The following SCO2 variants were observed in gnomAD, a reference collection of about 807,000 sequenced individuals.
SCO2 encodes the protein synthesis of cytochrome C oxidase 2.
For missense variants in SCO2, 429 were observed against 348.7 expected, an observed-to-expected ratio of 1.23 and a Z score of -1.83; for synonymous variants, 195 against 148.6, an observed-to-expected ratio of 1.31 and a Z score of -2.27.
At chr22:50,524,935 G>A (rs1363736281) in intron 1 of SCO2, among the ~76,000 whole-genome samples, 1 of 151,718 alleles carries the variant, frequency 6.6e-6, no homozygotes, top group African/African-American at 2.4e-5. Flanking sequence ...TCTGCCCGCC[G>A]GCTGTGTTTA....
In SCO2 at chr22:50,525,563, C is replaced by G. The variant is rs190706673; in HGVS notation, c.-105G>C. 1 of 716,192 alleles carries G rather than the reference C, an allele frequency of 1.4e-6. No individual in the cohort carries two copies. The highest frequency in any genetic ancestry group is 2.7e-5 in the Admixed American group (1 of 36,954). 44.4% of individuals were successfully genotyped at this position (716,192 alleles called of 1,614,324 possible). A position where few individuals can be genotyped will look rare whatever the true frequency, so the allele number is the denominator to read the frequency against. ...CTCTGCCCCGCCGGCTCAGGGAAAG[C>G]GGGCGCCACACGCTCACAGGCAGGG... On this transcript the variant is annotated 5_prime_UTR_variant, in exon 1 of 2. Coordinates refer to ENST00000395693, the MANE Select transcript of SCO2 (RefSeq NM_005138.3).
upstream of SCO2, chr22:50,525,675 G>C (rs1046302038): frequency 1.3e-6 from 2 of 1,533,202 alleles, no homozygotes; most frequent in Non-Finnish European, 1.8e-6. Flanking sequence ...GAGCCCGCCG[G>C]GGGTCACGTG....
At chr22:50,526,264 G>C (rs1569522106), upstream of SCO2, 4 of 1,538,444 alleles carry the variant, frequency 2.6e-6, no homozygotes, top group East Asian at 2.5e-5. Flanking sequence ...GGCGCCAGCA[G>C]CTCCTCCTGC....
At chr22:50,525,165 G>T (rs2069287319) in intron 1 of SCO2, among the ~76,000 whole-genome samples, 1 of 152,186 alleles carries the variant, frequency 6.6e-6, no homozygotes, top group Non-Finnish European at 1.5e-5. Context: ...CCCTCCCGAG[G>T]ACTCACTGCA....
At chr22:50,524,965 C>G (rs1247477371) in intron 1 of SCO2, among the ~76,000 whole-genome samples, 1 of 152,048 alleles carries the variant, frequency 6.6e-6, no homozygotes, top group Admixed American at 6.5e-5. Flanking sequence ...GGCAGAGACG[C>G]ACGACACTTC....
At position 50,524,360 on chromosome 22, in the gene SCO2, T is replaced by TGAGCTGAGA; in HGVS notation, c.43_51dup (p.Ser15_Leu17dup). ...AGGGTCCCAGGGAGGACCCGAGGCTTGAGCTGAGAGAGCCTGTGCCAAGCT... is the reference window on the plus strand; with the variant it reads ...AGGGTCCCAGGGAGGACCCGAGGCTTGAGCTGAGAGAGCTGAGAGAGCCTGTGCCAAGCT... On this transcript the variant is annotated inframe_insertion, in exon 2 of 2. Coordinates refer to ENST00000395693, the MANE Select transcript of SCO2 (RefSeq NM_005138.3). The TGAGCTGAGA allele has an allele frequency of 6.2e-7, 1 of 1,602,204 alleles. No homozygotes were observed. Among genetic ancestry groups the TGAGCTGAGA allele is most frequent in the South Asian group, 1.1e-5 (1 of 91,080 alleles).
upstream of SCO2, chr22:50,525,940 G>C (rs952478498): frequency 2.1e-6 from 3 of 1,432,716 alleles, no homozygotes; most frequent in Middle Eastern, 2.5e-4. Flanking sequence ...GGGGCTGTTA[G>C]AGGCCGCGCG....
chr22:50,525,416 G>A (rs2069302869), intron 1 of SCO2, 56 bp downstream of exon 1: 2 of 343,320 alleles, frequency 5.8e-6, no homozygotes, highest in Non-Finnish European at 1.1e-5. Context: ...AAACTACCCC[G>A]GAGTCCAGCG....
In SCO2 at chr22:50,525,589, C is replaced by CGCAG. The variant is rs143413019; in HGVS notation, c.-135_-132dup. On this transcript the variant is annotated 5_prime_UTR_variant, in exon 1 of 2. Transcript: ENST00000395693. ...GGGCGCCACACGCTCACAGGCAGGG[C>CGCAG]GCAGGCGTCCCCGGAGCTGCGCATG... The CGCAG allele has an allele frequency of 0.011, 10,080 of 923,326 alleles. 664 individuals carry two copies. In the African/African-American group the frequency reaches 0.15, roughly 13 times the overall value. 57.2% of individuals were successfully genotyped at this position (923,326 alleles called of 1,614,324 possible).
At position 50,524,158 on chromosome 22, in the gene SCO2, A is replaced by G; in HGVS notation, c.254T>C (p.Leu85Pro). Reference sequence around the variant, plus strand: ...GGCTTCTGTTCGCTTTTGCTGCTGCAGCCTCTCCTTCTCAGCCCTCAGGGC... The same window carrying G: ...GGCTTCTGTTCGCTTTTGCTGCTGCGGCCTCTCCTTCTCAGCCCTCAGGGC... ...WLALRAEKER[L>P]QQQKRTEALR... The change falls in exon 2 of 2, where the codon CTG becomes CCG. Residue 85 changes from leucine to proline, a missense_variant. Physicochemically the swap from Leu to Pro is moderately conservative, Grantham distance 98. Transcript: ENST00000395693. 1 of 1,611,176 alleles carries G rather than the reference A, an allele frequency of 6.2e-7. No individual in the cohort carries two copies.
Position 50,523,653 on chromosome 22 carries a change from ACTGT to A in SCO2, c.755_758del (p.Asp252ValfsTer24), listed in dbSNP as rs774544201. The A allele has an allele frequency of 3.0e-5, 48 of 1,613,870 alleles. No individual in the cohort carries two copies. The highest frequency in any genetic ancestry group is 3.7e-5 in the Non-Finnish European group (44 of 1,180,034). On this transcript the variant is annotated frameshift_variant, in exon 2 of 2. Coordinates refer to ENST00000395693, the MANE Select transcript of SCO2 (RefSeq NM_005138.3). LOFTEE classifies it high-confidence loss of function. ...GGAAAGCCGCCATGTGCCGCCGCAC[ACTGT>A]CTGAGATCTGCTCAGCCGATCTGCT... is the stretch of plus-strand genomic sequence containing the variant.
upstream of SCO2, chr22:50,526,222 G>A (rs2069364890): frequency 1.3e-6 from 2 of 1,514,778 alleles, no homozygotes; most frequent in Non-Finnish European, 1.8e-6. Flanking sequence ...GAGGCGGAAG[G>A]ACGGGGACTC....
At chr22:50,526,060 G>A (rs1350988490), upstream of SCO2, 1 of 1,482,748 alleles carries the variant, frequency 6.7e-7, no homozygotes, top group South Asian at 1.3e-5. Flanking sequence ...CAGGCGGAGC[G>A]GCTCCCCAGC....
intron 1 of SCO2, chr22:50,524,636 T>C: frequency 1.4e-6 from 1 of 701,598 alleles, no homozygotes. Flanking sequence ...GTCCTCTACC[T>C]GGGATCACCA....
chr22:50,525,820 A>G (rs1432744426), upstream of SCO2: 3 of 1,610,030 alleles, frequency 1.9e-6, no homozygotes, highest in Admixed American at 1.7e-5. Flanking sequence ...GGGGCGGCGA[A>G]TGGCGCGCGG....
Position 50,525,522 on chromosome 22 carries a change from C to A in SCO2, c.-64G>T. 1.7e-6 allele frequency: 1 copy of A among 576,694 alleles called. No individual in the cohort carries two copies. The highest frequency in any genetic ancestry group is 3.0e-6 in the Non-Finnish European group (1 of 334,000). The allele number at this position is 576,694 out of a possible 1,614,324, so 35.7% of individuals were successfully genotyped here. A position where few individuals can be genotyped will look rare whatever the true frequency, so the allele number is the denominator to read the frequency against. On this transcript the variant is annotated 5_prime_UTR_variant, in exon 1 of 2. Transcript: ENST00000395693. The stretch of plus-strand genomic sequence containing the variant: ...GACCAAGCACGAGAGGAAGCGCCGA[C>A]CTCCAGCTCCCTGCGCTCTGCCCCG...
chr22:50,524,352 C>T lies in SCO2; in HGVS notation c.60G>A (p.Arg20=), dbSNP rs140507779. The part of the protein sequence containing the change: ...AWHRLSQLKP[R]VLPGTLGGQA... ...GGCCTCCCAGGGTCCCAGGGAGGAC[C>T]CGAGGCTTGAGCTGAGAGAGCCTGT... Residue 20 remains arginine, a synonymous_variant, in exon 2 of 2, where the codon CGG becomes CGA. Coordinates refer to ENST00000395693, the MANE Select transcript of SCO2 (RefSeq NM_005138.3). The T allele has an allele frequency of 5.6e-6, 9 of 1,601,916 alleles. No homozygotes were observed. The highest frequency in any genetic ancestry group is 3.3e-5 in the Admixed American group (2 of 59,984).
In SCO2 at chr22:50,523,746, C is replaced by T. The variant is rs1475694772; in HGVS notation, c.666G>A (p.Val222=). 5.0e-6 allele frequency: 8 copies of T among 1,614,072 alleles called. No individual in the cohort carries two copies. The highest frequency in any genetic ancestry group is 2.2e-5 in the East Asian group (1 of 44,888). ...GCAGGTAGATGGCAATGGAGTGGTC[C>T]ACGATGTAGTCCTGGTCCTCATCCT... ...GPKDEDQDYI[V]DHSIAIYLLN... The change falls in exon 2 of 2, where the codon GTG becomes GTA. Residue 222 remains valine, a synonymous_variant. Transcript: ENST00000395693.
At position 50,525,594 on chromosome 22, in the gene SCO2, G is replaced by A. The variant is rs999613907; in HGVS notation, c.-136C>T. The stretch of plus-strand genomic sequence containing the variant: ...CCACACGCTCACAGGCAGGGCGCAG[G>A]CGTCCCCGGAGCTGCGCATGCGCAC... On this transcript the variant is annotated 5_prime_UTR_variant, in exon 1 of 2. Transcript: ENST00000395693. The A allele has an allele frequency of 2.1e-6, 2 of 961,324 alleles. No individual in the cohort carries two copies. Among genetic ancestry groups the A allele is most frequent in the African/African-American group, 3.3e-5 (2 of 59,988 alleles). The allele number at this position is 961,324 out of a possible 1,614,324, so 59.5% of individuals were successfully genotyped here. A position where few individuals can be genotyped will look rare whatever the true frequency, so the allele number is the denominator to read the frequency against.
Sources: gnomAD v4.1 joint callset for allele counts (sites outside exome capture counted in the v4.1 genomes callset) on GRCh38, gnomAD v4.1.1 for gene constraint, MANE v1.5 for transcripts, NCBI Gene and HGNC (gene_info 2026-07-23, HGNC 2026-07-21) for gene names.